Variants in RBM20 observed in about 807,000 individuals in gnomAD.
RBM20 encodes the protein RNA binding motif protein 20, also known as RNA-binding protein 20.
RBM20 carries 51 observed loss-of-function variants against 110.1 expected under a neutral mutation model. That is an observed-to-expected ratio of 0.46 (90% CI 0.37 to 0.59). The LOEUF (loss-of-function observed/expected upper bound fraction) is 0.59, where lower values mean the gene tolerates loss of function less well. Ranked by LOEUF, RBM20 falls within the 20% of genes least tolerant of loss-of-function variation. The pLI is 0.00. For missense variants in RBM20, 1,512 were observed against 1,574.9 expected (o/e 0.96, Z 0.68); for synonymous variants, 589 against 618.2 (o/e 0.95, Z 0.70).
intron 1 of RBM20, among the ~76,000 whole-genome samples, chr10:110,671,437 A>G (rs1189155581): frequency 1.3e-5 from 2 of 152,232 alleles, no homozygotes; most frequent in Admixed American, 1.3e-4. Flanking sequence ...TTGGTCTCAC[A>G]ATAACTAAGC....
At chr10:110,713,378 A>T (rs968412319) in intron 1 of RBM20, among the ~76,000 whole-genome samples, 1 of 152,312 alleles carries the variant, frequency 6.6e-6, no homozygotes, top group East Asian at 1.9e-4. Flanking sequence ...CTTGCTGTTA[A>T]GTAAGGAACA....
At chr10:110,766,716 T>G in intron 1 of RBM20, among the ~76,000 whole-genome samples, 1 of 151,350 alleles carries the variant, frequency 6.6e-6, no homozygotes, top group Non-Finnish European at 1.5e-5. Flanking sequence ...AAGTCTCCCA[T>G]GTCTACCTCT....
chr10:110,671,657 G>A (rs1325250062), intron 1 of RBM20, among the ~76,000 whole-genome samples: 5 of 151,914 alleles, frequency 3.3e-5, no homozygotes, highest in African/African-American at 7.3e-5. Context: ...TGCATTGTGC[G>A]CTCGTGAAAC....
At chr10:110,679,624 A>T (rs577787672) in intron 1 of RBM20, among the ~76,000 whole-genome samples, 4 of 152,254 alleles carry the variant, frequency 2.6e-5, no homozygotes, top group Admixed American at 1.3e-4. Context: ...TGTCTGCCTC[A>T]TGGGGTTGTT....
intron 1 of RBM20, among the ~76,000 whole-genome samples, chr10:110,735,220 G>A (rs1467330341): frequency 2.0e-5 from 3 of 152,056 alleles, no homozygotes; most frequent in African/African-American, 4.8e-5. Flanking sequence ...GGTATATATA[G>A]GAAAAAATAA....
At chr10:110,822,074 G>C in intron 11 of RBM20, 139 bp downstream of exon 11, 1 of 865,412 alleles carries the variant, frequency 1.2e-6, no homozygotes, top group Non-Finnish European at 1.8e-6. Flanking sequence ...AAGTGATTTA[G>C]CAACAAAGGC....
intron 1 of RBM20, among the ~76,000 whole-genome samples, chr10:110,734,287 A>G (rs1843647096): frequency 6.6e-6 from 1 of 152,208 alleles, no homozygotes; most frequent in South Asian, 2.1e-4. Flanking sequence ...AGATTGTAGG[A>G]GCAGAAAGAG....
rs1845044951 is a variant in RBM20, at chr10:110,831,063, G to A, written c.3454G>A (p.Val1152Met). ...VFSELSIPLG[V>M]EFVVPRTGFY... is the part of the protein sequence containing the mutation. Reference sequence around the variant, plus strand: ...GTCTATCCCCCATCCTTTCCCAGGGGTGGAGTTCGTGGTTCCCAGGACTGG... The same window carrying A: ...GTCTATCCCCCATCCTTTCCCAGGGATGGAGTTCGTGGTTCCCAGGACTGG... The change falls in exon 13 of 14, where the codon GTG (valine) becomes ATG (methionine). Residue 1152 changes from valine to methionine, a missense_variant and splice_region_variant. Val to Met is a conservative substitution (Grantham distance 21). This residue lies in a region of RBM20 where 358 missense variants were observed against 384.2 expected (regional missense o/e 0.93). Transcript: ENST00000369519. 3 of 1,550,318 alleles carry A rather than the reference G, an allele frequency of 1.9e-6. No individual in the cohort carries two copies. Among genetic ancestry groups the A allele is most frequent in the African/African-American group, 1.4e-5 (1 of 73,154 alleles).
At chr10:110,645,080 A>G (rs1179172476) in intron 1 of RBM20, among the ~76,000 whole-genome samples, 1 of 152,218 alleles carries the variant, frequency 6.6e-6, no homozygotes, top group East Asian at 1.9e-4. Flanking sequence ...CCTGAAACCA[A>G]CCAGTGGAAA....
chr10:110,734,802 C>T (rs920322035), intron 1 of RBM20, among the ~76,000 whole-genome samples: 1 of 152,102 alleles, frequency 6.6e-6, no homozygotes, highest in Non-Finnish European at 1.5e-5. Context: ...ACTCATGCCC[C>T]CTGAATCTGC....
At chr10:110,732,692 G>C (rs975286854) in intron 1 of RBM20, among the ~76,000 whole-genome samples, 8 of 152,210 alleles carry the variant, frequency 5.3e-5, no homozygotes, top group African/African-American at 1.7e-4. Context: ...GGGTTCCAGA[G>C]CAAAAACTCT....
At chr10:110,809,525 A>T (rs377054595) in intron 7 of RBM20, among the ~76,000 whole-genome samples, 2 of 152,044 alleles carry the variant, frequency 1.3e-5, no homozygotes, top group Admixed American at 1.3e-4. Context: ...TTTGGTTATC[A>T]TGTGTCCATT....
At chr10:110,740,568 C>T (rs147448369) in intron 1 of RBM20, among the ~76,000 whole-genome samples, 204 of 152,156 alleles carry the variant, frequency 1.3e-3, no homozygotes, top group African/African-American at 4.6e-3. Flanking sequence ...GATGGAGCCC[C>T]TTCTCTCCTT....
chr10:110,832,202 A>G (rs1845065099), intron 13 of RBM20, among the ~76,000 whole-genome samples: 1 of 152,214 alleles, frequency 6.6e-6, no homozygotes. Flanking sequence ...AAGACATGGT[A>G]TATCAGAGGG....
At chr10:110,663,638 T>TA (rs1480253501) in intron 1 of RBM20, among the ~76,000 whole-genome samples, 4 of 152,158 alleles carry the variant, frequency 2.6e-5, no homozygotes, top group Admixed American at 1.3e-4. Flanking sequence ...GTCTTAATTA[T>TA]AAAAAAATTA....
intron 1 of RBM20, among the ~76,000 whole-genome samples, chr10:110,682,407 G>C (rs1257608548): frequency 3.9e-5 from 6 of 152,086 alleles, no homozygotes; most frequent in Non-Finnish European, 7.4e-5. Flanking sequence ...AAGAGTTTTC[G>C]CTTTGCAGGC....
chr10:110,821,157 G>A, intron 10 of RBM20, 118 bp from the exon 11 acceptor site: 1 of 810,624 alleles, frequency 1.2e-6, no homozygotes, highest in Non-Finnish European at 1.9e-6. Flanking sequence ...ATTGTACCAG[G>A]TAGAGGTAAG....
rs1844944890 is a variant in RBM20 at position 110,823,566 on chromosome 10, C to T, written c.3403C>T (p.Pro1135Ser). The T allele has an allele frequency of 6.4e-7, 1 of 1,550,636 alleles. No individual in the cohort carries two copies. Among genetic ancestry groups the T allele is most frequent in the Admixed American group, 2.0e-5 (1 of 50,820 alleles). Residue 1135 changes from proline (P) to serine (S), a missense_variant, in exon 12 of 14, where the codon CCC becomes TCC. This residue lies in a region of RBM20 where 358 missense variants were observed against 384.2 expected (regional missense o/e 0.93). Transcript: ENST00000369519. Reference protein sequence around the residue: ...EVELKQPLSLPSWEPEDVFSE... With the variant: ...EVELKQPLSLSSWEPEDVFSE... ...GGAACTGAAACAGCCCCTTTCTTTG[C>T]CCTCTTGGGAACCAGAGGATGTGTT... is the stretch of plus-strand genomic sequence containing the variant.
At chr10:110,820,209 A>C (rs560823172) in intron 10 of RBM20, 33 bp downstream of exon 10, 2 of 1,448,142 alleles carry the variant, frequency 1.4e-6, no homozygotes, top group East Asian at 2.5e-5. Flanking sequence ...CACTTCTGCC[A>C]TGAGGGACTG....
Sources: allele counts gnomAD v4.1 joint callset (sites outside exome capture counted in the v4.1 genomes callset), GRCh38; gene constraint gnomAD v4.1.1; regional missense constraint gnomAD v4.1.1; transcripts MANE v1.5; gene names NCBI Gene and HGNC (gene_info 2026-07-23, HGNC 2026-07-21).